Variants in KIF18A observed in about 807,000 individuals in gnomAD.
KIF18A encodes kinesin family member 18A.
In KIF18A, 67 loss-of-function variants were observed where a neutral mutation model predicts 103.3. The observed-to-expected ratio is 0.65, with a 90% CI of 0.53 to 0.79. The LOEUF is 0.79. Among genes scored for constraint, KIF18A ranks in the 30% least tolerant of loss-of-function variants. KIF18A has a pLI of 0.00. For missense variants in KIF18A, 1,032 were observed against 1,062.5 expected, an observed-to-expected ratio of 0.97 and a Z score of 0.40; for synonymous variants, 367 against 355.5, an observed-to-expected ratio of 1.03 and a Z score of -0.36.
rs1851397683 is a variant in KIF18A at position 28,097,973 on chromosome 11, TA to T, written c.-27del. ...TGTTGATTATCTTGATTCCTATCTG[TA>T]TAAATACTTGAATACTTCTCTGAAA... On this transcript the variant is annotated 5_prime_UTR_variant, in exon 2 of 17. The change creates a premature stop within an existing upstream ORF in the 5' untranslated region. Transcript: ENST00000263181. 1 of 1,456,942 alleles carries T rather than the reference TA, an allele frequency of 6.9e-7. No individual in the cohort carries two copies. Among genetic ancestry groups the T allele is most frequent in the African/African-American group, 1.4e-5 (1 of 70,274 alleles). The allele number at this position is 1,456,942 out of a possible 1,614,324, so 90.3% of individuals were successfully genotyped here.
Position 28,088,645 on chromosome 11 carries a change from A to T in KIF18A, c.776T>A (p.Leu259Gln). 2 of 1,614,078 alleles carry T rather than the reference A, an allele frequency of 1.2e-6. No homozygotes were observed. Among genetic ancestry groups the T allele is most frequent in the Non-Finnish European group, 1.7e-6 (2 of 1,179,950 alleles). The change falls in exon 6 of 17, where the codon CTG becomes CAG. Residue 259 changes from leucine (L) to glutamine (Q), a missense_variant. Leu to Gln is a moderately radical substitution (Grantham distance 113, BLOSUM62 -2). Transcript: ENST00000263181. Reference protein sequence around the residue: ...VRIAKMSLIDLAGSERASTSG... With the variant: ...VRIAKMSLIDQAGSERASTSG... ...AGTACTTGCTCGCTCAGATCCTGCC[A>T]GGTCAATGAGTGACATCTTGGCAAT... is the stretch of plus-strand genomic sequence containing the variant.
intron 4 of KIF18A, 117 bp downstream of exon 4, chr11:28,091,292 C>A (rs1851301147): frequency 1.7e-6 from 1 of 596,642 alleles, no homozygotes; most frequent in Admixed American, 2.8e-5. Context: ...CATTTAAATT[C>A]TGTACCTCAT....
chr11:28,037,033 T>C (rs1850501944), intron 13 of KIF18A, among the ~76,000 whole-genome samples: 1 of 151,620 alleles, frequency 6.6e-6, no homozygotes, highest in South Asian at 2.1e-4. Context: ...ATTAAACTTT[T>C]ATAGGCACAG....
intron 9 of KIF18A, among the ~76,000 whole-genome samples, chr11:28,077,891 C>T (rs1851116073): frequency 6.6e-6 from 1 of 152,138 alleles, no homozygotes. Flanking sequence ...ATTCATATTT[C>T]CAAATGGCCA....
At chr11:28,061,557 A>G (rs1771997212) in intron 12 of KIF18A, among the ~76,000 whole-genome samples, 1 of 152,152 alleles carries the variant, frequency 6.6e-6, no homozygotes, top group Non-Finnish European at 1.5e-5. Flanking sequence ...GTAAATGAAT[A>G]TTCAATATCT....
intron 1 of KIF18A, among the ~76,000 whole-genome samples, chr11:28,106,268 G>A (rs73436516): frequency 0.15 from 22,406 of 152,096 alleles, 1,829 homozygotes; most frequent in East Asian, 0.28. Flanking sequence ...AGAAGAGAAT[G>A]CTTCCAAACA....
At chr11:28,089,396 T>C (rs1340571643) in intron 5 of KIF18A, among the ~76,000 whole-genome samples, 4 of 152,118 alleles carry the variant, frequency 2.6e-5, no homozygotes, top group Non-Finnish European at 5.9e-5. Context: ...AGTAGGAGCA[T>C]ACTCTAAAAT....
chr11:28,097,552 C>G, intron 2 of KIF18A, 71 bp downstream of exon 2: 1 of 968,836 alleles, frequency 1.0e-6, no homozygotes. Context: ...TTAGAAGGGT[C>G]AAGTAGATGT....
Position 28,097,759 on chromosome 11 carries a change from A to G in KIF18A, c.189T>C (p.Asn63=), listed in dbSNP as rs1410303647. 2 of 1,611,826 alleles carry G rather than the reference A, an allele frequency of 1.2e-6. No individual in the cohort carries two copies. Among genetic ancestry groups the G allele is most frequent in the Non-Finnish European group, 1.7e-6 (2 of 1,178,608 alleles). The stretch of plus-strand genomic sequence containing the variant: ...GATCCTTATTTTGTTTCTTTATAAC[A>G]TTTTGATTTGTAGTTTTCTTTCCAT... ...FFHGKKTTNQ[N]VIKKQNKDLK... The change falls in exon 2 of 17, where the codon AAT becomes AAC. Residue 63 remains asparagine (N), a synonymous_variant. Transcript: ENST00000263181.
chr11:28,099,499 TGTTA>T (rs1851419520), intron 1 of KIF18A, among the ~76,000 whole-genome samples: 1 of 152,188 alleles, frequency 6.6e-6, no homozygotes, highest in African/African-American at 2.4e-5. Context: ...GTGATGGATA[TGTTA>T]ATTAATTAGC....
intron 13 of KIF18A, among the ~76,000 whole-genome samples, chr11:28,041,936 TTCTTTTTTTTTTGACA>T (rs978868234): frequency 1.2e-4 from 18 of 151,926 alleles, no homozygotes; most frequent in African/African-American, 4.3e-4. Flanking sequence ...AACTTTGGCA[TTCTTTTTTTTTTGACA>T]TCCCCTTCCC....
intron 1 of KIF18A, among the ~76,000 whole-genome samples, chr11:28,106,871 T>A (rs1487142760): frequency 1.3e-5 from 2 of 152,118 alleles, no homozygotes; most frequent in Non-Finnish European, 2.9e-5. Context: ...CTCGGGAGGC[T>A]GAGGCACGAG....
intron 15 of KIF18A, 42 bp from the exon 16 acceptor site, chr11:28,023,892 A>G: frequency 2.2e-6 from 2 of 919,776 alleles, no homozygotes; most frequent in Non-Finnish European, 3.5e-6. Flanking sequence ...CATTTTTTTT[A>G]TACCTCAAAG....
At chr11:28,058,662 CAAAAAAAAA>C (rs58273868) in intron 13 of KIF18A, among the ~76,000 whole-genome samples, 28 of 64,436 alleles carry the variant, frequency 4.3e-4, no homozygotes, top group African/African-American at 1.3e-3. Context: ...ACCCTGTCAC[CAAAAAAAAA>C]AAAAAAAAAA....
At chr11:28,039,012 A>G (rs976632707) in intron 13 of KIF18A, among the ~76,000 whole-genome samples, 1 of 151,658 alleles carries the variant, frequency 6.6e-6, no homozygotes, top group African/African-American at 2.4e-5. Flanking sequence ...CATGGAGGGT[A>G]GAGGACTGAA....
chr11:28,064,152 A>G (rs991277314), intron 11 of KIF18A, among the ~76,000 whole-genome samples: 1 of 151,386 alleles, frequency 6.6e-6, no homozygotes, highest in African/African-American at 2.4e-5. Flanking sequence ...ATATTTATAT[A>G]TTAAAGTTAG....
At chr11:28,022,056 T>TA (rs1455874009) in intron 16 of KIF18A, among the ~76,000 whole-genome samples, 1 of 152,204 alleles carries the variant, frequency 6.6e-6, no homozygotes, top group African/African-American at 2.4e-5. Flanking sequence ...ACTGGTTTAA[T>TA]ACATTTTTCA....
At chr11:28,088,131 T>C (rs1851255238) in intron 6 of KIF18A, among the ~76,000 whole-genome samples, 1 of 152,084 alleles carries the variant, frequency 6.6e-6, no homozygotes, top group Non-Finnish European at 1.5e-5. Flanking sequence ...TTTTATAATA[T>C]ATAAAATACT....
At chr11:28,047,357 C>A (rs1220459274) in intron 13 of KIF18A, among the ~76,000 whole-genome samples, 1 of 151,880 alleles carries the variant, frequency 6.6e-6, no homozygotes, top group East Asian at 1.9e-4. Context: ...CAAGATAAGG[C>A]CTTACGTACT....
Sources: gnomAD v4.1 joint callset for allele counts (sites outside exome capture counted in the v4.1 genomes callset) on GRCh38, gnomAD v4.1.1 for gene constraint, MANE v1.5 for transcripts, NCBI Gene and HGNC (gene_info 2026-07-23, HGNC 2026-07-21) for gene names.